KMT5C: variants seen among roughly 807,000 people sequenced by gnomAD.
KMT5C encodes the protein histone-lysine N-methyltransferase KMT5C.
Under a neutral mutation model 38.2 loss-of-function variants are expected in KMT5C, and 16 were observed. The observed-to-expected ratio is 0.42, with a 90% confidence interval of 0.28 to 0.64. The LOEUF (loss-of-function observed/expected upper bound fraction) is 0.64, where lower values mean the gene tolerates loss of function less well. Among genes scored for constraint, KMT5C ranks in the 30% least tolerant of loss-of-function variants. KMT5C has a pLI of 0.23. For missense variants in KMT5C, 598 were observed against 665.1 expected (o/e 0.90, Z 1.11); for synonymous variants, 291 against 279.0 (o/e 1.04, Z -0.43).
In KMT5C at chr19:55,346,267, C is replaced by G; in HGVS notation, c.625C>G (p.Pro209Ala). The G allele has an allele frequency of 1.2e-6, 2 of 1,613,988 alleles. No homozygotes were observed. The highest frequency in any genetic ancestry group is 1.7e-6 in the Non-Finnish European group (2 of 1,179,942). ...CGTGAAGGTGCTCCGGGACATTGAG[C>G]CTGGGGACGAGGTGACATGCTTCTA... Reference protein sequence around the residue: ...ACVKVLRDIEPGDEVTCFYGE... With the variant: ...ACVKVLRDIEAGDEVTCFYGE... The change falls in exon 7 of 9, where the codon CCT becomes GCT. Residue 209 changes from proline (P) to alanine (A), a missense_variant. This residue lies in a region of KMT5C where 105 missense variants were observed against 179.2 expected (regional missense o/e 0.59). Transcript: ENST00000255613.
chr19:55,342,908 CAA>C (rs1048870562), intron 4 of KMT5C, 57 bp downstream of exon 4: 60 of 1,073,394 alleles, frequency 5.6e-5, no homozygotes, highest in Middle Eastern at 4.0e-4. Context: ...TCAGAGGGGA[CAA>C]GAGAGACCCT....
intron 6 of KMT5C, chr19:55,344,648 A>G (rs1433342050): frequency 2.0e-6 from 1 of 512,170 alleles, no homozygotes; most frequent in South Asian, 1.5e-5. Flanking sequence ...CCTTGCAGGG[A>G]ACAACGCAGG....
chr19:55,345,297 T>G (rs1180912981), intron 6 of KMT5C: 3 of 351,434 alleles, frequency 8.5e-6, no homozygotes, highest in African/African-American at 6.4e-5. Context: ...ACGGCTTTGA[T>G]CCGGCAGCAA....
At chr19:55,345,623 G>C (rs2089608485) in intron 6 of KMT5C, among the ~76,000 whole-genome samples, 1 of 152,166 alleles carries the variant, frequency 6.6e-6, no homozygotes. Context: ...TAGATGGACA[G>C]TTGGGTGGAC....
chr19:55,346,379 G>C, intron 7 of KMT5C, 30 bp downstream of exon 7: 1 of 1,613,390 alleles, frequency 6.2e-7, no homozygotes, highest in South Asian at 1.1e-5. Flanking sequence ...GGCTGGGTTC[G>C]GGTCGTCTGG....
chr19:55,342,335 C>T lies in KMT5C; in HGVS notation c.231C>T (p.Tyr77=). 6.4e-7 allele frequency: 1 copy of T among 1,559,206 alleles called. No individual in the cohort carries two copies. Among genetic ancestry groups the T allele is most frequent in the Non-Finnish European group, 8.7e-7 (1 of 1,153,552 alleles). The change falls in exon 3 of 9, where the codon TAC becomes TAT. Residue 77 remains tyrosine, a synonymous_variant. Coordinates refer to ENST00000255613, the MANE Select transcript of KMT5C (RefSeq NM_032701.4). ...CGCTGGGAGGCTGGACGGCCCGCTA[C>T]TTCCAGAGCCGGGGCCCGCGGCAGG... is the stretch of plus-strand genomic sequence containing the variant. ...ALTLGGWTAR[Y]FQSRGPRQEA...
At chr19:55,345,854 C>T (rs2089610589) in intron 6 of KMT5C, among the ~76,000 whole-genome samples, 2 of 152,144 alleles carry the variant, frequency 1.3e-5, no homozygotes, top group Non-Finnish European at 2.9e-5. Context: ...TGGCGGGGGG[C>T]AGGCAGCTCA....
At chr19:55,344,310 C>T (rs575859761) in intron 6 of KMT5C, 67 of 282,410 alleles carry the variant, frequency 2.4e-4, no homozygotes, top group African/African-American at 1.2e-3. Flanking sequence ...TGCGGTGAGC[C>T]GAGATCGCGC....
At chr19:55,344,234 C>T (rs536741293) in intron 6 of KMT5C, 8 of 389,518 alleles carry the variant, frequency 2.1e-5, no homozygotes, top group East Asian at 1.0e-4. Flanking sequence ...TGGTGGCGGG[C>T]GCCTGTAGTC....
At position 55,343,899 on chromosome 19, in the gene KMT5C, G is replaced by A. The variant is rs2123193813; in HGVS notation, c.550+56G>A. 6.2e-7 allele frequency: 1 copy of A among 1,606,458 alleles called. No homozygotes were observed. Among genetic ancestry groups the A allele is most frequent in the Non-Finnish European group, 8.5e-7 (1 of 1,173,752 alleles). On this transcript the variant is annotated intron_variant, in intron 5 of 8. Coordinates refer to ENST00000255613, the MANE Select transcript of KMT5C (RefSeq NM_032701.4). The surrounding 1 kb of genome is among the most constrained non-coding windows in gnomAD (Gnocchi z 5.5). ...GGGATAGAGCCAGGCAGGGCTGGAGGGGTGTAGTGGGAGGGTTCTGCGACT... is the reference window on the plus strand; with the variant it reads ...GGGATAGAGCCAGGCAGGGCTGGAGAGGTGTAGTGGGAGGGTTCTGCGACT...
intron 6 of KMT5C, 74 bp from the exon 7 acceptor site, chr19:55,346,139 C>A (rs1210646519): frequency 6.9e-5 from 109 of 1,583,824 alleles, no homozygotes; most frequent in Non-Finnish European, 9.1e-5. Flanking sequence ...GCCAGGGTGC[C>A]CGGCCAGGTG....
chr19:55,343,041 G>A lies in KMT5C; in HGVS notation c.386+190G>A, dbSNP rs921870187. The A allele has an allele frequency of 8.7e-6, 5 of 576,816 alleles. No homozygotes were observed. Among genetic ancestry groups the A allele is most frequent in the African/African-American group, 7.5e-5 (4 of 53,272 alleles). The allele number at this position is 576,816 out of a possible 1,614,324, so 35.7% of individuals were successfully genotyped here. A position where few individuals can be genotyped will look rare whatever the true frequency, so the allele number is the denominator to read the frequency against. Reference sequence around the variant, plus strand: ...CTACCGTGGTGCCGCTGGAGCAGGAGACCCCGGATGTGACCCCAGGGTTCC... The same window carrying A: ...CTACCGTGGTGCCGCTGGAGCAGGAAACCCCGGATGTGACCCCAGGGTTCC... On this transcript the variant is annotated intron_variant, in intron 4 of 8. Coordinates refer to ENST00000255613, the MANE Select transcript of KMT5C (RefSeq NM_032701.4). This position sits in a 1 kb window ranked among gnomAD's most constrained non-coding sequence, Gnocchi z 5.5.
At position 55,347,702 on chromosome 19, in the gene KMT5C, A is replaced by G; in HGVS notation, c.*253A>G. Reference sequence around the variant, plus strand: ...TTGCTGCCCTCCCCACCCCTGCCCCAGCCTCAGGACTGCAGGAGCCATCCG... The same window carrying G: ...TTGCTGCCCTCCCCACCCCTGCCCCGGCCTCAGGACTGCAGGAGCCATCCG... On this transcript the variant is annotated 3_prime_UTR_variant, in exon 9 of 9. Transcript: ENST00000255613. The surrounding 1 kb of genome is among the most constrained non-coding windows in gnomAD (Gnocchi z 4.6). 1 of 543,546 alleles carries G rather than the reference A, an allele frequency of 1.8e-6. No individual in the cohort carries two copies. The highest frequency in any genetic ancestry group is 3.2e-5 in the South Asian group (1 of 30,866). 33.7% of individuals were successfully genotyped at this position (543,546 alleles called of 1,614,324 possible).
Position 55,346,520 on chromosome 19 carries a change from G to C in KMT5C, c.728G>C (p.Arg243Pro). 6.3e-7 allele frequency: 1 copy of C among 1,596,748 alleles called. No individual in the cohort carries two copies. Among genetic ancestry groups the C allele is most frequent in the Non-Finnish European group, 8.5e-7 (1 of 1,172,268 alleles). The change falls in exon 8 of 9, where the codon CGA (arginine) becomes CCA (proline). Residue 243 changes from arginine to proline, a missense_variant. By Grantham distance (103) the Arg-to-Pro change is moderately radical (BLOSUM62 -2). Coordinates refer to ENST00000255613, the MANE Select transcript of KMT5C (RefSeq NM_032701.4). ...CCCAGGAAAGGTGAAGGAGCTTTCCGAACCAGGCCTAGGGAGCCCGCGTTG... is the reference window on the plus strand; with the variant it reads ...CCCAGGAAAGGTGAAGGAGCTTTCCCAACCAGGCCTAGGGAGCCCGCGTTG... Reference protein sequence around the residue: ...TCERKGEGAFRTRPREPALPP... With the variant: ...TCERKGEGAFPTRPREPALPP...
At position 55,347,353 on chromosome 19, in the gene KMT5C, G is replaced by A. The variant is rs2089634051; in HGVS notation, c.1293G>A (p.Gln431=). ...CAGGCCCCATCCTGATCCCGAAGCA[G>A]GCCCTCGCCTTCGCCCCCTTCTCCC... ...GTPGPILIPK[Q]ALAFAPFSPP... The change falls in exon 9 of 9, where the codon CAG becomes CAA. Residue 431 remains glutamine (Q), a synonymous_variant. Transcript: ENST00000255613. The surrounding 1 kb of genome is among the most constrained non-coding windows in gnomAD (Gnocchi z 4.6). The A allele has an allele frequency of 6.3e-7, 1 of 1,580,128 alleles. No homozygotes were observed. The highest frequency in any genetic ancestry group is 1.8e-5 in the Admixed American group (1 of 56,204).
intron 6 of KMT5C, 116 bp downstream of exon 6, chr19:55,344,113 G>T: frequency 1.8e-6 from 2 of 1,140,882 alleles, no homozygotes; most frequent in Non-Finnish European, 2.6e-6. Flanking sequence ...GGTGGCTCAT[G>T]CCTGTAATCC....
intron 1 of KMT5C, among the ~76,000 whole-genome samples, chr19:55,340,419 C>T (rs952349770): frequency 6.6e-6 from 1 of 151,946 alleles, no homozygotes; most frequent in Admixed American, 6.5e-5. Context: ...CCTTCTGGAC[C>T]CTCTAGGTCT....
Position 55,343,643 on chromosome 19 carries a change from G to A in KMT5C, c.387-37G>A. 1 of 1,546,774 alleles carries A rather than the reference G, an allele frequency of 6.5e-7. No homozygotes were observed. Among genetic ancestry groups the A allele is most frequent in the Admixed American group, 2.0e-5 (1 of 50,950 alleles). Reference sequence around the variant, plus strand: ...CCCCTGAACACCTGCAGGAGGCCAGGCATCGCCCACAGCCCTGCCCCCTGG... The same window carrying A: ...CCCCTGAACACCTGCAGGAGGCCAGACATCGCCCACAGCCCTGCCCCCTGG... On this transcript the variant is annotated intron_variant, in intron 4 of 8. Transcript: ENST00000255613. This position sits in a 1 kb window ranked among gnomAD's most constrained non-coding sequence, Gnocchi z 5.5.
rs1282966977 is a variant in KMT5C, at chr19:55,343,834, A to G, written c.541A>G (p.Ile181Val). ...AQLWLGPAAFINHDCKPNCKF... is the reference protein window; with the variant it reads ...AQLWLGPAAFVNHDCKPNCKF... ...GCTGTGGCTGGGCCCAGCCGCCTTC[A>G]TCAACCATGGTGAGGGTCAGGCAGG... The change falls in exon 5 of 9, where the codon ATC (isoleucine) becomes GTC (valine). Residue 181 changes from isoleucine to valine, a missense_variant. This residue lies in a region of KMT5C where 105 missense variants were observed against 179.2 expected (regional missense o/e 0.59). Transcript: ENST00000255613. This position sits in a 1 kb window ranked among gnomAD's most constrained non-coding sequence, Gnocchi z 5.5. 4 of 1,613,568 alleles carry G rather than the reference A, an allele frequency of 2.5e-6. No homozygotes were observed. The highest frequency in any genetic ancestry group is 3.4e-6 in the Non-Finnish European group (4 of 1,179,874).
Sources: gnomAD v4.1 joint callset for allele counts (sites outside exome capture counted in the v4.1 genomes callset) on GRCh38, gnomAD v4.1.1 for gene constraint, gnomAD v4.1.1 regional missense constraint, Gnocchi (gnomAD v3.1) non-coding constraint, MANE v1.5 for transcripts, NCBI Gene and HGNC (gene_info 2026-07-23, HGNC 2026-07-21) for gene names.